ANKRD17: variants seen among roughly 807,000 people sequenced by gnomAD.
The protein encoded by ANKRD17 is ankyrin repeat domain 17.
A neutral mutation model predicts 229.7 loss-of-function variants in ANKRD17; 19 were observed. The observed-to-expected ratio is 0.08, with a 90% CI of 0.06 to 0.12. The LOEUF (loss-of-function observed/expected upper bound fraction) is 0.12. Among genes scored for constraint, ANKRD17 ranks in the 10% least tolerant of loss-of-function variants. The probability of loss-of-function intolerance (pLI) is 1.00; values close to 1 mark genes in which losing one functional copy is unlikely to be tolerated. For missense variants in ANKRD17, 2,176 were observed against 3,176.8 expected (o/e 0.68, Z 7.57); for synonymous variants, 1,112 against 1,146.1 (o/e 0.97, Z 0.60).
chr4:73,141,765 T>C lies in ANKRD17; in HGVS notation c.2308A>G (p.Thr770Ala), dbSNP rs753286422. Residue 770 changes from threonine to alanine, a missense_variant, in exon 14 of 34, where the codon ACC becomes GCC. By Grantham distance (58) the Thr-to-Ala change is moderately conservative. Coordinates refer to ENST00000358602, the MANE Select transcript of ANKRD17 (RefSeq NM_032217.5). ...EPDKPPANVA[T>A]TLPIRNKAAS... ...CCTTTATTCCTGATGGGAAGAGTGGTGGCAACATTGGCAGGTGGTTTGTCA... is the reference window on the plus strand; with the variant it reads ...CCTTTATTCCTGATGGGAAGAGTGGCGGCAACATTGGCAGGTGGTTTGTCA... The C allele has an allele frequency of 8.1e-6, 13 of 1,613,930 alleles. No individual in the cohort carries two copies. Among genetic ancestry groups the C allele is most frequent in the Admixed American group, 1.7e-5 (1 of 60,004 alleles).
rs763705786 is a variant in ANKRD17 at position 73,091,761 on chromosome 4, C to G, written c.5867G>C (p.Gly1956Ala). ...AGAACCTGCTGAATTCACCTGAGAA[C>G]CACTGCTATTCTGATTGCTATGGCG... is the stretch of plus-strand genomic sequence containing the variant. ...VPRHSNQNSS[G>A]SQVNSAGSLT... Residue 1956 changes from glycine to alanine, a missense_variant, in exon 29 of 34, where the codon GGT becomes GCT. Physicochemically the swap from Gly to Ala is moderately conservative, Grantham distance 60 (BLOSUM62 0). This residue lies in a region of ANKRD17 where 424 missense variants were observed against 454.0 expected (regional missense o/e 0.93). Coordinates refer to ENST00000358602, the MANE Select transcript of ANKRD17 (RefSeq NM_032217.5). 6.2e-7 allele frequency: 1 copy of G among 1,614,164 alleles called. No individual in the cohort carries two copies. Among genetic ancestry groups the G allele is most frequent in the Admixed American group, 1.7e-5 (1 of 60,004 alleles).
At chr4:73,204,231 GGCTCCTGTAGTCCCA>G (rs1298467498) in intron 1 of ANKRD17, among the ~76,000 whole-genome samples, 1 of 151,202 alleles carries the variant, frequency 6.6e-6, no homozygotes, top group African/African-American at 2.4e-5. Context: ...CGTGGTGGCG[GGCTCCTGTAGTCCCA>G]GCTACTCAAG....
chr4:73,181,379 A>C (rs1735520963), intron 1 of ANKRD17, among the ~76,000 whole-genome samples: 1 of 152,194 alleles, frequency 6.6e-6, no homozygotes, highest in Non-Finnish European at 1.5e-5. Context: ...AAAGTGCATA[A>C]GGTAATGAGA....
intron 3 of ANKRD17, among the ~76,000 whole-genome samples, chr4:73,160,272 G>A (rs1359790334): frequency 3.2e-5 from 4 of 123,644 alleles, no homozygotes; most frequent in Non-Finnish European, 6.3e-5. Flanking sequence ...AGGCTAAAGT[G>A]CAATGGCGCA....
At chr4:73,205,640 A>G (rs1739342934) in intron 1 of ANKRD17, among the ~76,000 whole-genome samples, 1 of 152,212 alleles carries the variant, frequency 6.6e-6, no homozygotes, top group Non-Finnish European at 1.5e-5. Flanking sequence ...CAAAACTACT[A>G]GAAGAAAATA....
chr4:73,160,288 G>A (rs918872634), intron 3 of ANKRD17, among the ~76,000 whole-genome samples: 4 of 142,182 alleles, frequency 2.8e-5, no homozygotes, highest in Admixed American at 7.9e-5. Flanking sequence ...GCGCAATCTC[G>A]GCTCACTGCA....
intron 1 of ANKRD17, among the ~76,000 whole-genome samples, chr4:73,238,960 A>G (rs755775773): frequency 1.2e-4 from 18 of 152,198 alleles, no homozygotes; most frequent in Non-Finnish European, 2.5e-4. Context: ...GGAAGATTAA[A>G]TGATATACAG....
At chr4:73,159,340 C>T (rs571080234) in intron 3 of ANKRD17, among the ~76,000 whole-genome samples, 2 of 152,268 alleles carry the variant, frequency 1.3e-5, no homozygotes, top group African/African-American at 4.8e-5. Flanking sequence ...TGCATATACC[C>T]TAATTTACAT....
chr4:73,120,522 C>T (rs1475323287), intron 20 of ANKRD17, among the ~76,000 whole-genome samples, 185 bp from the exon 21 acceptor site: 1 of 148,780 alleles, frequency 6.7e-6, no homozygotes, highest in Non-Finnish European at 1.5e-5. Context: ...AATAATTCTA[C>T]CTAATCTCAA....
chr4:73,097,190 T>C lies in ANKRD17; in HGVS notation c.5104A>G (p.Asn1702Asp), dbSNP rs1286345447. The change falls in exon 27 of 34, where the codon AAT becomes GAT. Residue 1702 changes from asparagine (N) to aspartate (D), a missense_variant. Coordinates refer to ENST00000358602, the MANE Select transcript of ANKRD17 (RefSeq NM_032217.5). ...KSGPSPLSSP[N>D]GKLTVASPKR... ...GGACTTGCTACTGTTAACTTCCCAT[T>C]TGGAGAAGAAAGGGGAGATGGACCA... is the stretch of plus-strand genomic sequence containing the variant. 6.2e-7 allele frequency: 1 copy of C among 1,612,578 alleles called. No homozygotes were observed. Among genetic ancestry groups the C allele is most frequent in the Admixed American group, 1.7e-5 (1 of 59,768 alleles).
intron 1 of ANKRD17, among the ~76,000 whole-genome samples, chr4:73,241,054 G>A (rs755760005): frequency 2.6e-5 from 4 of 151,748 alleles, no homozygotes; most frequent in Non-Finnish European, 4.4e-5. Flanking sequence ...CAGGCAACCC[G>A]CCCACCTCGG....
At chr4:73,118,894 T>TTC in intron 21 of ANKRD17, 44 bp from the exon 22 acceptor site, 1 of 1,560,716 alleles carries the variant, frequency 6.4e-7, no homozygotes, top group East Asian at 2.2e-5. Context: ...TTTTTTTTTT[T>TTC]TTTTTTTTTT....
chr4:73,193,573 TG>T (rs1737424280), intron 1 of ANKRD17, among the ~76,000 whole-genome samples: 1 of 152,208 alleles, frequency 6.6e-6, no homozygotes, highest in African/African-American at 2.4e-5. Context: ...GGCTAATTAA[TG>T]GTGTTGAACA....
chr4:73,121,224 C>T, intron 19 of ANKRD17, 130 bp from the exon 20 acceptor site: 3 of 840,536 alleles, frequency 3.6e-6, no homozygotes, highest in Non-Finnish European at 5.7e-6. Flanking sequence ...TTTTTCTCAA[C>T]CTTAGTAAGT....
At chr4:73,129,067 C>T (rs1406422264) in intron 16 of ANKRD17, among the ~76,000 whole-genome samples, 1 of 152,084 alleles carries the variant, frequency 6.6e-6, no homozygotes, top group African/African-American at 2.4e-5. Context: ...AAGTTATATT[C>T]CTTGTCACAG....
At chr4:73,085,576 T>G (rs1191667265) in intron 29 of ANKRD17, 130 bp from the exon 30 acceptor site, 2 of 819,406 alleles carry the variant, frequency 2.4e-6, no homozygotes, top group Non-Finnish European at 3.7e-6. Context: ...CGGCTGGGAG[T>G]GGTGGCCCAC....
rs1407118035 is a variant in ANKRD17 at position 73,258,384 on chromosome 4, G to C, written c.285C>G (p.Ser95Arg). 1 of 1,610,834 alleles carries C rather than the reference G, an allele frequency of 6.2e-7. No individual in the cohort carries two copies. Among genetic ancestry groups the C allele is most frequent in the Non-Finnish European group, 8.5e-7 (1 of 1,179,440 alleles). Reference sequence around the variant, plus strand: ...CTCCACCGCCGCCTCCACCGCCGCCGCTGTTGTCGCTGTCGCTGCTGCTTT... The same window carrying C: ...CTCCACCGCCGCCTCCACCGCCGCCCCTGTTGTCGCTGTCGCTGCTGCTTT... ...SSESSSDSDN[S>R]GGGGGGGGGG... The change falls in exon 1 of 34, where the codon AGC becomes AGG. Residue 95 changes from serine to arginine, a missense_variant. Transcript: ENST00000358602.
chr4:73,109,857 C>T (rs1013102400), intron 24 of ANKRD17, among the ~76,000 whole-genome samples: 7 of 150,352 alleles, frequency 4.7e-5, no homozygotes, highest in Non-Finnish European at 7.4e-5. Context: ...ATTTATTGGT[C>T]GGTGGTGTTG....
intron 19 of ANKRD17, 41 bp from the exon 20 acceptor site, chr4:73,121,135 T>C (rs1726670791): frequency 6.6e-7 from 1 of 1,511,006 alleles, no homozygotes; most frequent in South Asian, 1.1e-5. Context: ...GAAAAATATA[T>C]ATTTTAAATG....
Sources: gnomAD v4.1 joint callset for allele counts (sites outside exome capture counted in the v4.1 genomes callset) on GRCh38, gnomAD v4.1.1 for gene constraint, gnomAD v4.1.1 regional missense constraint, MANE v1.5 for transcripts, NCBI Gene and HGNC (gene_info 2026-07-23, HGNC 2026-07-21) for gene names.